Variants in RWDD1 observed in about 807,000 individuals in gnomAD.
RWDD1 encodes the protein RWD domain containing 1.
In RWDD1, 17 loss-of-function variants were observed where a neutral mutation model predicts 31.6. The ratio of observed to expected loss-of-function variants is 0.54; its 90% confidence interval spans 0.37 to 0.81. The LOEUF is 0.81. Among genes scored for constraint, RWDD1 ranks in the 30% least tolerant of loss-of-function variants. The pLI is 0.00. For missense variants in RWDD1, 204 were observed against 274.5 expected, an observed-to-expected ratio of 0.74 and a Z score of 1.82; for synonymous variants, 78 against 94.2, an observed-to-expected ratio of 0.83 and a Z score of 0.99.
chr6:116,571,889 A>C (rs1347041488), intron 1 of RWDD1, among the ~76,000 whole-genome samples: 31 of 152,072 alleles, frequency 2.0e-4, no homozygotes, highest in Admixed American at 2.0e-3. Context: ...GGAGGGTGTC[A>C]GGCCTGAAAA....
At chr6:116,589,776 AG>A (rs979390118) in intron 4 of RWDD1, among the ~76,000 whole-genome samples, 55 of 152,296 alleles carry the variant, frequency 3.6e-4, no homozygotes, top group African/African-American at 1.3e-3. Context: ...GAGAAAAATG[AG>A]GAAGAAGCAA....
chr6:116,594,643 T>C lies in RWDD1; in HGVS notation c.*1542T>C, dbSNP rs1350206719. On this transcript the variant is annotated 3_prime_UTR_variant, in exon 7 of 7. Coordinates refer to ENST00000466444, the MANE Select transcript of RWDD1 (RefSeq NM_015952.4). ...TGTCTGCAAGAGAAACACATTAACA[T>C]CCGTGCACATAGAGTCCTTTGTAAT... 6.6e-6 allele frequency: 1 copy of C among 152,206 alleles called. No individual in the cohort carries two copies. The highest frequency in any genetic ancestry group is 1.5e-5 in the Non-Finnish European group (1 of 68,042). The allele number at this position is 152,206 out of a possible 1,614,324, so 9.4% of individuals were successfully genotyped here.
chr6:116,571,533 G>A lies in RWDD1; in HGVS notation c.-50G>A, dbSNP rs1264271789. The stretch of plus-strand genomic sequence containing the variant: ...CGGCGCGGCAGCTGTCTGGGCTGCT[G>A]CGCGCCGCCTAGGTGTCTGGGCGAT... On this transcript the variant is annotated 5_prime_UTR_variant, in exon 1 of 7. Coordinates refer to ENST00000466444, the MANE Select transcript of RWDD1 (RefSeq NM_015952.4). 2.5e-6 allele frequency: 4 copies of A among 1,581,740 alleles called. No homozygotes were observed. The highest frequency in any genetic ancestry group is 3.4e-6 in the Non-Finnish European group (4 of 1,161,462).
chr6:116,580,216 G>C, intron 1 of RWDD1, 79 bp from the exon 2 acceptor site: 1 of 941,402 alleles, frequency 1.1e-6, no homozygotes, highest in Non-Finnish European at 1.6e-6. Context: ...TCTAGGACTG[G>C]GTACTGATAA....
chr6:116,592,903 T>G (rs1390763517), intron 6 of RWDD1, 77 bp from the exon 7 acceptor site: 2 of 1,488,694 alleles, frequency 1.3e-6, no homozygotes, highest in South Asian at 1.3e-5. Context: ...TGTTTGGTAG[T>G]GCCAATGAGT....
At chr6:116,574,745 A>T (rs1341496927) in intron 1 of RWDD1, among the ~76,000 whole-genome samples, 29 of 84,430 alleles carry the variant, frequency 3.4e-4, no homozygotes, top group South Asian at 7.2e-4. Flanking sequence ...CCTTCCTTCC[A>T]CCTCCCCTCC....
At chr6:116,589,186 G>C (rs1047902227) in intron 4 of RWDD1, among the ~76,000 whole-genome samples, 1 of 151,990 alleles carries the variant, frequency 6.6e-6, no homozygotes, top group African/African-American at 2.4e-5. Flanking sequence ...ATGATAATCA[G>C]TAAAAAGTTA....
intron 6 of RWDD1, among the ~76,000 whole-genome samples, chr6:116,592,363 C>T (rs1775159724): frequency 6.6e-6 from 1 of 152,158 alleles, no homozygotes; most frequent in Non-Finnish European, 1.5e-5. Context: ...ACTTCATTTG[C>T]TCCATGATGC....
In RWDD1 at chr6:116,594,169, C is replaced by T. The variant is rs1470078142; in HGVS notation, c.*1068C>T. 6.6e-6 allele frequency: 1 copy of T among 151,234 alleles called. No homozygotes were observed. Among genetic ancestry groups the T allele is most frequent in the African/African-American group, 2.4e-5 (1 of 41,092 alleles). 9.4% of individuals were successfully genotyped at this position (151,234 alleles called of 1,614,324 possible). ...GTGGGAACTCCCTCACCCCTGCTCCCCACAGGAAGGCATTAATCTATTTAT... is the reference window on the plus strand; with the variant it reads ...GTGGGAACTCCCTCACCCCTGCTCCTCACAGGAAGGCATTAATCTATTTAT... On this transcript the variant is annotated 3_prime_UTR_variant, in exon 7 of 7. Coordinates refer to ENST00000466444, the MANE Select transcript of RWDD1 (RefSeq NM_015952.4).
At chr6:116,592,901 A>G in intron 6 of RWDD1, 79 bp from the exon 7 acceptor site, 1 of 1,458,632 alleles carries the variant, frequency 6.9e-7, no homozygotes, top group South Asian at 1.3e-5. Flanking sequence ...TCTGTTTGGT[A>G]GTGCCAATGA....
rs1775201867 is a variant in RWDD1 at position 116,594,094 on chromosome 6, GA to G, written c.*994del. 1 of 151,774 alleles carries G rather than the reference GA, an allele frequency of 6.6e-6. No individual in the cohort carries two copies. The highest frequency in any genetic ancestry group is 1.5e-5 in the Non-Finnish European group (1 of 68,102). The allele number at this position is 151,774 out of a possible 1,614,324, so 9.4% of individuals were successfully genotyped here. On this transcript the variant is annotated 3_prime_UTR_variant, in exon 7 of 7. Transcript: ENST00000466444. ...TGTGTGTAGAGATCACATGGCCAGA[GA>G]GTGAGGGTGGAAGTGCCAGGCTTTT...
rs778691914 is a variant in RWDD1, at chr6:116,590,368, AAAG to A, written c.520_522del (p.Glu174del). 49 of 1,596,584 alleles carry A rather than the reference AAAG, an allele frequency of 3.1e-5. No individual in the cohort carries two copies. Among genetic ancestry groups the A allele is most frequent in the Admixed American group, 5.4e-5 (3 of 55,408 alleles). On this transcript the variant is annotated inframe_deletion, in exon 5 of 7. Coordinates refer to ENST00000466444, the MANE Select transcript of RWDD1 (RefSeq NM_015952.4). ...CTTGGAAATTAAAAAGAAAAGGATG[AAAG>A]AAGAAGAACAAGCAGGAAAAAATAA...
chr6:116,575,149 C>G (rs1211991035), intron 1 of RWDD1, among the ~76,000 whole-genome samples: 9 of 152,110 alleles, frequency 5.9e-5, no homozygotes, highest in African/African-American at 2.2e-4. Flanking sequence ...TACAGTGGCA[C>G]CATCTTGGGT....
At chr6:116,575,410 C>G (rs1282835758) in intron 1 of RWDD1, among the ~76,000 whole-genome samples, 1 of 152,094 alleles carries the variant, frequency 6.6e-6, no homozygotes, top group African/African-American at 2.4e-5. Context: ...GAATTACTTA[C>G]AGTGGTGGAA....
intron 1 of RWDD1, among the ~76,000 whole-genome samples, chr6:116,572,222 C>A (rs1774751210): frequency 6.6e-6 from 1 of 151,884 alleles, no homozygotes; most frequent in Non-Finnish European, 1.5e-5. Flanking sequence ...GCCCAAATTT[C>A]CGTTCTGCTA....
At chr6:116,587,281 C>T (rs563592636) in intron 3 of RWDD1, among the ~76,000 whole-genome samples, 1 of 152,142 alleles carries the variant, frequency 6.6e-6, no homozygotes, top group Admixed American at 6.5e-5. Context: ...TATGGGTTGA[C>T]ATAGACAAAG....
chr6:116,584,584 T>C, intron 2 of RWDD1, 143 bp from the exon 3 acceptor site: 1 of 670,672 alleles, frequency 1.5e-6, no homozygotes, highest in Non-Finnish European at 2.6e-6. Context: ...ATGTGTTGTT[T>C]ACATTAGTGA....
intron 2 of RWDD1, among the ~76,000 whole-genome samples, chr6:116,582,624 C>T (rs769545556): frequency 3.2e-4 from 49 of 152,030 alleles, no homozygotes; most frequent in Non-Finnish European, 6.5e-4. Flanking sequence ...ATCTCCCCAT[C>T]CCTGATATCA....
chr6:116,597,270 T>TA lies in RWDD1; in HGVS notation c.*4169_*4170insA, dbSNP rs1775253511. ...AGGTTCTACTCAGTCCACCAAAGCT[T>TA]TTTAATTTCCTTACATAATTAACAT... On this transcript the variant is annotated 3_prime_UTR_variant, in exon 7 of 7. Coordinates refer to ENST00000466444, the MANE Select transcript of RWDD1 (RefSeq NM_015952.4). The TA allele has an allele frequency of 6.6e-6, 1 of 152,192 alleles. No individual in the cohort carries two copies. The highest frequency in any genetic ancestry group is 1.5e-5 in the Non-Finnish European group (1 of 68,026). The allele number at this position is 152,192 out of a possible 1,614,324, so 9.4% of individuals were successfully genotyped here.
Sources: gnomAD v4.1 joint callset for allele counts (sites outside exome capture counted in the v4.1 genomes callset) on GRCh38, gnomAD v4.1.1 for gene constraint, MANE v1.5 for transcripts, NCBI Gene and HGNC (gene_info 2026-07-23, HGNC 2026-07-21) for gene names.